Variants in CDKN2B-AS1 observed in about 807,000 individuals in gnomAD.
CDKN2B-AS1 encodes CDKN2B antisense RNA 1 (non-protein coding).
chr9:22,115,089 G>T (rs1359409360), intron 4 of CDKN2B-AS1, among the ~76,000 whole-genome samples: 1 of 152,106 alleles, frequency 6.6e-6, no homozygotes, highest in Non-Finnish European at 1.5e-5. Flanking sequence ...GGTAATTATA[G>T]ATTCCCAGCT....
intron 1 of CDKN2B-AS1, among the ~76,000 whole-genome samples, chr9:22,040,687 C>G (rs931490454): frequency 6.6e-6 from 1 of 152,014 alleles, no homozygotes; most frequent in African/African-American, 2.4e-5. Flanking sequence ...AGATTGGAGA[C>G]TGTGTGTGTG....
intron 4 of CDKN2B-AS1, chr9:22,120,448 T>C (rs991161420): frequency 6.6e-6 from 1 of 152,130 alleles, no homozygotes; most frequent in Admixed American, 6.6e-5. Flanking sequence ...TCCAGGATTA[T>C]ATGGTATTAC....
In CDKN2B-AS1 at chr9:22,052,908, A is replaced by T. The variant is rs1823413966; in HGVS notation, n.303-3344A>T. On this transcript the variant is annotated intron_variant and non_coding_transcript_variant, in intron 3 of 4. Coordinates refer to ENST00000650946, the Ensembl canonical transcript of CDKN2B-AS1. Reference sequence around the variant, plus strand: ...TTTCTCATCCTGCCCCTTTATTTTGATGATTCCACATTGTAGTTCATGAAA... The same window carrying T: ...TTTCTCATCCTGCCCCTTTATTTTGTTGATTCCACATTGTAGTTCATGAAA... 3.3e-5 allele frequency among the ~76,000 whole-genome samples: 5 copies of T among 152,312 alleles called. No individual in the cohort carries two copies. The South Asian group carries it at 1.0e-3, about 32-fold the overall frequency.
chr9:22,052,030 G>C (rs901855424), intron 3 of CDKN2B-AS1, among the ~76,000 whole-genome samples: 1 of 151,924 alleles, frequency 6.6e-6, no homozygotes, highest in Non-Finnish European at 1.5e-5. Context: ...CTCACATCAT[G>C]GTGGGGGATC....
intron 4 of CDKN2B-AS1, among the ~76,000 whole-genome samples, chr9:22,086,859 A>C (rs72652418): frequency 1.4e-3 from 208 of 152,292 alleles, no homozygotes; most frequent in Middle Eastern, 3.4e-3. Context: ...CCAGATTTGT[A>C]TTACTTATTT....
intron 1 of CDKN2B-AS1, chr9:22,003,201 A>C (rs1820997688): frequency 4.6e-6 from 1 of 216,596 alleles, no homozygotes; most frequent in Non-Finnish European, 9.3e-6. Context: ...TAATTTTTAC[A>C]TGGCATTGAT....
chr9:22,083,093 T>C (rs1824753629), intron 4 of CDKN2B-AS1, among the ~76,000 whole-genome samples: 1 of 152,216 alleles, frequency 6.6e-6, no homozygotes, highest in African/African-American at 2.4e-5. Flanking sequence ...AATAGCTTGT[T>C]ATATGCCATG....
chr9:22,004,594 A>G (rs1821076152), intron 1 of CDKN2B-AS1: 1 of 232,510 alleles, frequency 4.3e-6, no homozygotes, highest in East Asian at 6.1e-5. Flanking sequence ...TTATTAAAGT[A>G]GTGAAGTATC....
At chr9:22,088,282 A>T (rs536110814) in intron 4 of CDKN2B-AS1, among the ~76,000 whole-genome samples, 1 of 152,318 alleles carries the variant, frequency 6.6e-6, no homozygotes, top group African/African-American at 2.4e-5. Flanking sequence ...ATGTTTTATT[A>T]TACTTGATAT....
intron 4 of CDKN2B-AS1, among the ~76,000 whole-genome samples, chr9:22,124,799 T>TAC (rs1294618635): frequency 6.6e-6 from 1 of 152,196 alleles, no homozygotes; most frequent in African/African-American, 2.4e-5. Flanking sequence ...TGGCCTGCCT[T>TAC]CAAGATAGGG....
intron 4 of CDKN2B-AS1, chr9:22,118,251 T>A (rs1449072049): frequency 6.7e-6 from 1 of 150,276 alleles, no homozygotes; most frequent in African/African-American, 2.5e-5. Context: ...GTACTAAAAG[T>A]GAAAATGGGG....
At chr9:22,121,964 C>A (rs1360310022) in intron 4 of CDKN2B-AS1, among the ~76,000 whole-genome samples, 2 of 151,980 alleles carry the variant, frequency 1.3e-5, no homozygotes, top group Admixed American at 6.6e-5. Flanking sequence ...TTTTGAGGAA[C>A]CTCCATTCTG....
intron 4 of CDKN2B-AS1, among the ~76,000 whole-genome samples, chr9:22,106,434 C>G (rs1024895229): frequency 7.9e-5 from 12 of 152,232 alleles, no homozygotes; most frequent in African/African-American, 2.6e-4. Context: ...CCAGGCTGGT[C>G]TGGAACTCCT....
intron 4 of CDKN2B-AS1, among the ~76,000 whole-genome samples, chr9:22,079,792 C>T (rs746116463): frequency 6.6e-6 from 1 of 152,152 alleles, no homozygotes. Flanking sequence ...CCTTCTCCAC[C>T]GGCATAGCTT....
At chr9:22,091,332 A>G (rs938730241) in intron 4 of CDKN2B-AS1, among the ~76,000 whole-genome samples, 3 of 152,036 alleles carry the variant, frequency 2.0e-5, no homozygotes, top group African/African-American at 4.8e-5. Context: ...TTCCATATGA[A>G]CTTTAAAGTA....
chr9:22,041,235 A>T (rs1032814789), intron 1 of CDKN2B-AS1, among the ~76,000 whole-genome samples: 1 of 152,012 alleles, frequency 6.6e-6, no homozygotes, highest in Non-Finnish European at 1.5e-5. Flanking sequence ...AAAATAGACA[A>T]TCTGAAGTGA....
exon 5 of CDKN2B-AS1, among the ~76,000 whole-genome samples, chr9:22,127,593 C>A (rs924051556): frequency 6.6e-6 from 1 of 152,052 alleles, no homozygotes; most frequent in African/African-American, 2.4e-5. Context: ...TGGAGGGGAA[C>A]TTTGAGGGCA....
rs2131180882 is a variant in CDKN2B-AS1, at chr9:22,006,097, C to T, written n.29+10936C>T. 6.2e-7 allele frequency: 1 copy of T among 1,609,008 alleles called. No homozygotes were observed. Among genetic ancestry groups the T allele is most frequent in the Non-Finnish European group, 8.5e-7 (1 of 1,179,736 alleles). On this transcript the variant is annotated intron_variant and non_coding_transcript_variant, in intron 1 of 4. Coordinates refer to ENST00000650946, the Ensembl canonical transcript of CDKN2B-AS1. The surrounding 1 kb of genome is among the most constrained non-coding windows in gnomAD (Gnocchi z 6.4). ...GCATCGCGCACGTCCAGCCGCGCCC[C>T]GGCCCGGTGCAGCACCACCAGCGTG...
At chr9:22,053,531 G>T (rs1823439263) in intron 3 of CDKN2B-AS1, among the ~76,000 whole-genome samples, 1 of 152,114 alleles carries the variant, frequency 6.6e-6, no homozygotes, top group South Asian at 2.1e-4. Flanking sequence ...TAAAGTTTTG[G>T]CCCTGACTAT....
Sources: allele counts gnomAD v4.1 joint callset (sites outside exome capture counted in the v4.1 genomes callset), GRCh38; gene constraint gnomAD v4.1.1; non-coding constraint Gnocchi (gnomAD v3.1); transcripts MANE v1.5; gene names NCBI Gene and HGNC (gene_info 2026-07-23, HGNC 2026-07-21).